The following PTPRG variants were observed in gnomAD, a reference collection of about 807,000 sequenced individuals.
PTPRG encodes receptor-type tyrosine-protein phosphatase gamma.
PTPRG carries 102 observed loss-of-function variants against 165.3 expected under a neutral mutation model. The ratio of observed to expected loss-of-function variants is 0.62; its 90% confidence interval spans 0.53 to 0.73. The LOEUF is 0.73. PTPRG is among the 30% of genes least tolerant of loss of function. The pLI is 0.00. For missense variants in PTPRG, 1,866 were observed against 1,861.4 expected (o/e 1.00, Z -0.05); for synonymous variants, 675 against 669.5 (o/e 1.01, Z -0.13).
chr3:61,993,706 C>A (rs567336238), intron 3 of PTPRG, among the ~76,000 whole-genome samples: 1 of 152,232 alleles, frequency 6.6e-6, no homozygotes, highest in African/African-American at 2.4e-5. Flanking sequence ...TTATATCTAT[C>A]TTGCATACCT....
chr3:61,820,807 C>T (rs2035931971), intron 2 of PTPRG, among the ~76,000 whole-genome samples: 1 of 151,910 alleles, frequency 6.6e-6, no homozygotes, highest in Non-Finnish European at 1.5e-5. Context: ...TCCTCTGTGA[C>T]CGCAGTGAGA....
chr3:61,903,221 A>G (rs1194261471), intron 2 of PTPRG, among the ~76,000 whole-genome samples: 3 of 152,076 alleles, frequency 2.0e-5, no homozygotes, highest in Admixed American at 6.5e-5. Context: ...GAATCCCATG[A>G]GCTGCTGCTC....
At chr3:61,772,530 C>A (rs974496006) in intron 2 of PTPRG, among the ~76,000 whole-genome samples, 1 of 152,026 alleles carries the variant, frequency 6.6e-6, no homozygotes, top group African/African-American at 2.4e-5. Flanking sequence ...TTCCCCCAAG[C>A]CTACTTTCCT....
chr3:62,249,734 A>G lies in PTPRG; in HGVS notation c.2468-5390A>G, dbSNP rs140583561. ...ATTAACAATTTATCTACCTGGCATC[A>G]TCAAGGTGACCAGTCTACCAGTGTG... On this transcript the variant is annotated intron_variant, in intron 15 of 29. Coordinates refer to ENST00000474889, the MANE Select transcript of PTPRG (RefSeq NM_002841.4). 3.0e-3 allele frequency among the ~76,000 whole-genome samples: 460 copies of G among 152,326 alleles called. 5 individuals carry two copies. Among genetic ancestry groups the G allele is most frequent in the African/African-American group, 0.011 (444 of 41,574 alleles).
chr3:61,713,696 A>G (rs1252510765), intron 1 of PTPRG, among the ~76,000 whole-genome samples: 1 of 152,304 alleles, frequency 6.6e-6, no homozygotes, highest in Non-Finnish European at 1.5e-5. Context: ...TGCTGGCCGC[A>G]GCATTCAGCA....
chr3:61,817,168 T>C lies in PTPRG; in HGVS notation c.190+68186T>C, dbSNP rs531868626. ...TTACATATATATAATATATAATATATAATAATATATAATATATAAAATAAT... is the reference window on the plus strand; with the variant it reads ...TTACATATATATAATATATAATATACAATAATATATAATATATAAAATAAT... On this transcript the variant is annotated intron_variant, in intron 2 of 29. Transcript: ENST00000474889. Among the ~76,000 whole-genome samples the C allele has an allele frequency of 6.1e-4, 48 of 78,984 alleles. No homozygotes were observed. The South Asian group carries it at 0.016, about 26-fold the overall frequency. 51.8% of individuals were successfully genotyped at this position (78,984 alleles called of 152,430 possible).
intron 5 of PTPRG, among the ~76,000 whole-genome samples, chr3:62,113,370 CTAGGT>C (rs1702738692): frequency 6.6e-6 from 1 of 152,252 alleles, no homozygotes; most frequent in Admixed American, 6.5e-5. Flanking sequence ...CTCACCCTAC[CTAGGT>C]TACTCTTTGC....
At chr3:61,740,320 A>G (rs1017719394) in intron 1 of PTPRG, among the ~76,000 whole-genome samples, 3 of 152,122 alleles carry the variant, frequency 2.0e-5, no homozygotes, top group Non-Finnish European at 2.9e-5. Flanking sequence ...CGTGAGCCCA[A>G]ATTTTTTTAG....
chr3:61,841,198 T>C (rs1197074944), intron 2 of PTPRG, among the ~76,000 whole-genome samples: 1 of 152,132 alleles, frequency 6.6e-6, no homozygotes, highest in Non-Finnish European at 1.5e-5. Context: ...ACGCCAAAAA[T>C]GTTAAAGAGA....
At chr3:61,844,475 T>G (rs1324964094) in intron 2 of PTPRG, among the ~76,000 whole-genome samples, 2 of 152,162 alleles carry the variant, frequency 1.3e-5, no homozygotes, top group Non-Finnish European at 2.9e-5. Flanking sequence ...TATCAGAAAT[T>G]CAAATTTAAG....
At chr3:62,292,935 T>A (rs919200991) in intron 29 of PTPRG, among the ~76,000 whole-genome samples, 2 of 152,170 alleles carry the variant, frequency 1.3e-5, no homozygotes, top group Non-Finnish European at 2.9e-5. Context: ...CAATCAGCAC[T>A]GAGAATTGGT....
chr3:61,984,911 T>C (rs2040721727), intron 2 of PTPRG, among the ~76,000 whole-genome samples: 1 of 152,198 alleles, frequency 6.6e-6, no homozygotes, highest in Non-Finnish European at 1.5e-5. Flanking sequence ...GTTCCCCAAT[T>C]TGGGTTTGTC....
intron 1 of PTPRG, among the ~76,000 whole-genome samples, chr3:61,643,894 G>A (rs904215165): frequency 6.6e-6 from 1 of 152,186 alleles, no homozygotes; most frequent in African/African-American, 2.4e-5. Flanking sequence ...AGATGAACTA[G>A]GATACCCTTT....
At chr3:62,162,234 A>G (rs1704792878) in intron 7 of PTPRG, among the ~76,000 whole-genome samples, 1 of 152,210 alleles carries the variant, frequency 6.6e-6, no homozygotes, top group Admixed American at 6.5e-5. Context: ...AATAAAAACT[A>G]AGTTGAAATG....
In PTPRG at chr3:62,277,675, G is replaced by A. The variant is rs774507310; in HGVS notation, c.3761G>A (p.Ser1254Asn). The A allele has an allele frequency of 3.1e-6, 5 of 1,612,186 alleles. No homozygotes were observed. The Admixed American group carries it at 6.7e-5, about 22-fold the overall frequency. Residue 1254 changes from serine to asparagine, a missense_variant, in exon 26 of 30, where the codon AGC becomes AAC. Ser to Asn is a conservative substitution (Grantham distance 46). This residue lies in a region of PTPRG where 1,452 missense variants were observed against 1,463.0 expected (regional missense o/e 0.99). Transcript: ENST00000474889. ...ATTGTCATGCTGCCAGACAACCAGA[G>A]CTTGGTAAGTAAAGCACATCTGCTA... The part of the protein sequence containing the change: ...QIIVMLPDNQ[S>N]LAEDEFVYWP...
At chr3:62,177,577 T>C (rs542645156) in intron 8 of PTPRG, among the ~76,000 whole-genome samples, 1 of 152,308 alleles carries the variant, frequency 6.6e-6, no homozygotes, top group Admixed American at 6.5e-5. Flanking sequence ...TGATGAAATG[T>C]ATAATCCTTA....
intron 4 of PTPRG, among the ~76,000 whole-genome samples, chr3:62,066,450 T>C (rs1297520824): frequency 6.6e-6 from 1 of 152,208 alleles, no homozygotes; most frequent in Non-Finnish European, 1.5e-5. Context: ...CATTTCATGG[T>C]GAATCATGTG....
intron 2 of PTPRG, among the ~76,000 whole-genome samples, chr3:61,915,588 A>G (rs1184379255): frequency 6.6e-6 from 1 of 152,222 alleles, no homozygotes; most frequent in Non-Finnish European, 1.5e-5. Flanking sequence ...TCAGCACAAT[A>G]AAGTTTGTAA....
At chr3:61,631,185 C>T (rs1305388075) in intron 1 of PTPRG, among the ~76,000 whole-genome samples, 1 of 150,844 alleles carries the variant, frequency 6.6e-6, no homozygotes, top group Non-Finnish European at 1.5e-5. Flanking sequence ...AAGTTTTTTA[C>T]TACTATCTTG....
Sources: allele counts gnomAD v4.1 joint callset (sites outside exome capture counted in the v4.1 genomes callset), GRCh38; gene constraint gnomAD v4.1.1; regional missense constraint gnomAD v4.1.1; transcripts MANE v1.5; gene names NCBI Gene and HGNC (gene_info 2026-07-23, HGNC 2026-07-21).